The following NXN variants were observed in gnomAD, a reference collection of about 807,000 sequenced individuals.
The protein encoded by NXN is nucleoredoxin.
NXN carries 16 observed loss-of-function variants against 48.6 expected under a neutral mutation model. The ratio of observed to expected loss-of-function variants is 0.33; its 90% confidence interval spans 0.22 to 0.50. NXN has a LOEUF of 0.50. Among genes scored for constraint, NXN ranks in the 20% least tolerant of loss-of-function variants. The pLI, the probability that NXN is intolerant of heterozygous loss-of-function variation, is 0.98. For synonymous variants in NXN, 281 were observed against 269.6 expected, an observed-to-expected ratio of 1.04 and a Z score of -0.41; for missense variants, 492 against 605.5, an observed-to-expected ratio of 0.81 and a Z score of 1.97.
At chr17:915,886 A>G (rs979069941) in intron 1 of NXN, among the ~76,000 whole-genome samples, 17 of 100,274 alleles carry the variant, frequency 1.7e-4, no homozygotes, top group African/African-American at 8.2e-4. Context: ...TGGAACTTCC[A>G]GCTGCTCCCC....
chr17:848,128 C>T (rs982880158), intron 1 of NXN, among the ~76,000 whole-genome samples: 1 of 150,754 alleles, frequency 6.6e-6, no homozygotes, highest in African/African-American at 2.5e-5. Context: ...AATTACTGAA[C>T]GTTGATTTCC....
At chr17:854,246 T>C (rs984199077) in intron 1 of NXN, among the ~76,000 whole-genome samples, 3 of 152,208 alleles carry the variant, frequency 2.0e-5, no homozygotes, top group Non-Finnish European at 4.4e-5. Flanking sequence ...TAAGGTTTTC[T>C]GGACACCTGA....
At position 865,066 on chromosome 17, in the gene NXN, T is replaced by C. The variant is rs532036918; in HGVS notation, c.361-38988A>G. 7.2e-5 allele frequency among the ~76,000 whole-genome samples: 11 copies of C among 152,254 alleles called. No individual in the cohort carries two copies. The South Asian group carries it at 1.0e-3, about 14-fold the overall frequency. ...AAACAGATCATCTCGTCCACACTGATTGAACAGAGGAGAAAAGCACAACTC... is the reference window on the plus strand; with the variant it reads ...AAACAGATCATCTCGTCCACACTGACTGAACAGAGGAGAAAAGCACAACTC... On this transcript the variant is annotated intron_variant, in intron 1 of 7. Coordinates refer to ENST00000336868, the MANE Select transcript of NXN (RefSeq NM_022463.5).
At chr17:953,281 G>A (rs1302205856) in intron 1 of NXN, among the ~76,000 whole-genome samples, 22 of 152,108 alleles carry the variant, frequency 1.4e-4, no homozygotes, top group Non-Finnish European at 1.0e-4. Context: ...CAGGCATGGT[G>A]GCTCACGCCT....
At chr17:951,203 A>T (rs1445684818) in intron 1 of NXN, among the ~76,000 whole-genome samples, 1 of 140,822 alleles carries the variant, frequency 7.1e-6, no homozygotes, top group African/African-American at 2.6e-5. Context: ...AAAAAAAAAA[A>T]GCTGGGCGTG....
chr17:896,855 C>CCGGGGGGGG, intron 1 of NXN: 12 of 1,101,986 alleles, frequency 1.1e-5, no homozygotes, highest in Middle Eastern at 2.4e-4. Flanking sequence ...GCGGTCCTGA[C>CCGGGGGGGG]CACCCGCCCC....
chr17:808,463 C>G (rs952463681), intron 5 of NXN, among the ~76,000 whole-genome samples: 19 of 151,674 alleles, frequency 1.3e-4, no homozygotes, highest in Admixed American at 1.1e-3. Flanking sequence ...CCACCACACC[C>G]AGATAATTTT....
intron 1 of NXN, among the ~76,000 whole-genome samples, chr17:968,430 C>G (rs867710061): frequency 6.6e-6 from 1 of 151,946 alleles, no homozygotes; most frequent in Admixed American, 6.6e-5. Context: ...AGATGCAGCC[C>G]GGCGTGGTGG....
chr17:878,793 T>C (rs1453537180), intron 1 of NXN, among the ~76,000 whole-genome samples: 2 of 152,150 alleles, frequency 1.3e-5, no homozygotes, highest in East Asian at 3.9e-4. Flanking sequence ...TGAGACCCTA[T>C]TCATAACCAG....
rs917763484 is a variant in NXN, at chr17:836,136, C to T, written c.361-10058G>A. The stretch of plus-strand genomic sequence containing the variant: ...CACAGAGGCCGCAGGGGAAAAACAC[C>T]GGTGGGATTCATCAGCCCCCACAGA... On this transcript the variant is annotated intron_variant, in intron 1 of 7. Coordinates refer to ENST00000336868, the MANE Select transcript of NXN (RefSeq NM_022463.5). Among the ~76,000 whole-genome samples the T allele has an allele frequency of 1.3e-4, 19 of 151,186 alleles. 1 individual carries two copies. The highest frequency in any genetic ancestry group is 2.7e-4 in the Non-Finnish European group (18 of 67,864).
At position 853,702 on chromosome 17, in the gene NXN, C is replaced by CATAT. The variant is rs571601948; in HGVS notation, c.361-27628_361-27625dup. Among the ~76,000 whole-genome samples the CATAT allele has an allele frequency of 3.1e-3, 371 of 119,292 alleles. 2 individuals are homozygous for CATAT. Among genetic ancestry groups the CATAT allele is most frequent in the African/African-American group, 8.7e-3 (240 of 27,548 alleles). 78.3% of individuals were successfully genotyped at this position (119,292 alleles called of 152,430 possible). On this transcript the variant is annotated intron_variant, in intron 1 of 7. Transcript: ENST00000336868. ...TACTTCTCACTATTTCTGTTATACA[C>CATAT]ATATATATATATATATATATATTTT...
chr17:821,171 G>A lies in NXN; in HGVS notation c.713+1186C>T, dbSNP rs2144638764. ...CCAAGCCCAGGATGGTGTGGACACC[G>A]CAGATACAACAATGTACAAAGTGCC... On this transcript the variant is annotated intron_variant, in intron 4 of 7. Coordinates refer to ENST00000336868, the MANE Select transcript of NXN (RefSeq NM_022463.5). Among the ~76,000 whole-genome samples the A allele has an allele frequency of 3.9e-5, 3 of 76,964 alleles. 1 individual carries two copies. Among genetic ancestry groups the A allele is most frequent in the Admixed American group, 3.6e-4 (3 of 8,316 alleles). The allele number at this position is 76,964 out of a possible 152,430, so 50.5% of individuals were successfully genotyped here. A position where few individuals can be genotyped will look rare whatever the true frequency, so the allele number is the denominator to read the frequency against.
At chr17:943,156 A>G (rs1336916574) in intron 1 of NXN, among the ~76,000 whole-genome samples, 1 of 152,246 alleles carries the variant, frequency 6.6e-6, no homozygotes, top group Admixed American at 6.5e-5. Flanking sequence ...TCTTAAGGTA[A>G]ATATTAATGT....
chr17:876,417 C>A (rs1230051188), intron 1 of NXN, among the ~76,000 whole-genome samples: 1 of 152,144 alleles, frequency 6.6e-6, no homozygotes, highest in Non-Finnish European at 1.5e-5. Flanking sequence ...ACACAGGCTA[C>A]GACGTACAGG....
intron 1 of NXN, among the ~76,000 whole-genome samples, chr17:914,053 C>T (rs2068661387): frequency 6.6e-6 from 1 of 152,170 alleles, no homozygotes; most frequent in Admixed American, 6.5e-5. Context: ...ACACCCACCA[C>T]CACACCCAGC....
chr17:807,244 T>C (rs56397649), intron 5 of NXN, among the ~76,000 whole-genome samples: 13,682 of 151,882 alleles, frequency 0.09, 872 homozygotes, highest in African/African-American at 0.18. Context: ...CTTCTCAAAA[T>C]CCCCCCGGCA....
chr17:846,341 CG>C (rs2067860040), intron 1 of NXN, among the ~76,000 whole-genome samples: 1 of 144,240 alleles, frequency 6.9e-6, no homozygotes, highest in Non-Finnish European at 1.5e-5. Context: ...TGCGTGAACC[CG>C]GGAGGTGGAA....
Position 958,490 on chromosome 17 carries a change from T to C in NXN, c.360+20829A>G, listed in dbSNP as rs1046832626. Among the ~76,000 whole-genome samples the C allele has an allele frequency of 1.3e-5, 2 of 151,950 alleles. No individual in the cohort carries two copies. Among genetic ancestry groups the C allele is most frequent in the African/African-American group, 4.8e-5 (2 of 41,368 alleles). Reference sequence around the variant, plus strand: ...AGCAGGACTCCAACTCTACAAAAATTAATCTTAAAAATTAGCTCACTCCTA... The same window carrying C: ...AGCAGGACTCCAACTCTACAAAAATCAATCTTAAAAATTAGCTCACTCCTA... On this transcript the variant is annotated intron_variant, in intron 1 of 7. Coordinates refer to ENST00000336868, the MANE Select transcript of NXN (RefSeq NM_022463.5). The surrounding 1 kb of genome is among the most constrained non-coding windows in gnomAD (Gnocchi z 6.9).
intron 1 of NXN, among the ~76,000 whole-genome samples, chr17:871,100 A>T (rs921357517): frequency 5.3e-5 from 8 of 151,808 alleles, no homozygotes; most frequent in African/African-American, 1.9e-4. Context: ...TGACCTCGTG[A>T]TCCGCCCACC....
Sources: allele counts gnomAD v4.1 joint callset (sites outside exome capture counted in the v4.1 genomes callset), GRCh38; gene constraint gnomAD v4.1.1; non-coding constraint Gnocchi (gnomAD v3.1); transcripts MANE v1.5; gene names NCBI Gene and HGNC (gene_info 2026-07-23, HGNC 2026-07-21).